The following LRRTM3 variants were observed in gnomAD, a reference collection of about 807,000 sequenced individuals.
The protein encoded by LRRTM3 is leucine-rich repeat transmembrane neuronal protein 3.
Under a neutral mutation model 44.7 loss-of-function variants are expected in LRRTM3, and 24 were observed. That is an observed-to-expected ratio of 0.54 (90% CI 0.39 to 0.76). The LOEUF (loss-of-function observed/expected upper bound fraction) is 0.76. Among genes scored for constraint, LRRTM3 ranks in the 30% least tolerant of loss-of-function variants. The pLI is 0.00. For missense variants in LRRTM3, 587 were observed against 702.2 expected (o/e 0.84, Z 1.85); for synonymous variants, 277 against 278.7 (o/e 0.99, Z 0.06).
intron 2 of LRRTM3, among the ~76,000 whole-genome samples, chr10:66,959,007 C>A (rs546463275): frequency 2.0e-4 from 30 of 152,274 alleles, no homozygotes; most frequent in Non-Finnish European, 4.1e-4. Context: ...CACAGCCTTT[C>A]TACAGACCCT....
intron 2 of LRRTM3, among the ~76,000 whole-genome samples, chr10:67,023,216 A>G (rs920468371): frequency 2.6e-5 from 4 of 152,178 alleles, no homozygotes; most frequent in African/African-American, 9.6e-5. Flanking sequence ...TAAACTTAAG[A>G]TAGTATCAAG....
At chr10:67,018,154 A>T (rs1169727782) in intron 2 of LRRTM3, among the ~76,000 whole-genome samples, 1 of 152,134 alleles carries the variant, frequency 6.6e-6, no homozygotes, top group Non-Finnish European at 1.5e-5. Context: ...TAGGGCCAAG[A>T]CTTTGTATTT....
At chr10:67,073,413 C>A (rs1470169308) in intron 2 of LRRTM3, among the ~76,000 whole-genome samples, 1 of 151,694 alleles carries the variant, frequency 6.6e-6, no homozygotes, top group East Asian at 1.9e-4. Flanking sequence ...TATGTTTTTC[C>A]TTCAGTCTAA....
chr10:66,982,095 G>T (rs1661468932), intron 2 of LRRTM3, among the ~76,000 whole-genome samples: 1 of 152,084 alleles, frequency 6.6e-6, no homozygotes, highest in Non-Finnish European at 1.5e-5. Context: ...CCACGAAAAA[G>T]GATAAGCCAT....
intron 2 of LRRTM3, among the ~76,000 whole-genome samples, chr10:67,005,477 G>A (rs1267436823): frequency 2.0e-5 from 3 of 151,814 alleles, no homozygotes; most frequent in Admixed American, 6.6e-5. Flanking sequence ...TGATCACATA[G>A]GCCATAGGTT....
rs966329198 is a variant in LRRTM3 at position 66,939,217 on chromosome 10, C to A, written c.1536+10765C>A. ...TGATCATGCAGAAGGCATGTTAGAT[C>A]ATACAGAACTGAAGCATCTTCCCTT... On this transcript the variant is annotated intron_variant, in intron 2 of 2. Coordinates refer to ENST00000361320, the MANE Select transcript of LRRTM3 (RefSeq NM_178011.5). Among the ~76,000 whole-genome samples, 20 of 152,178 alleles carry A rather than the reference C, an allele frequency of 1.3e-4. 1 individual carries two copies. The highest frequency in any genetic ancestry group is 1.5e-5 in the Non-Finnish European group (1 of 68,018).
intron 2 of LRRTM3, among the ~76,000 whole-genome samples, chr10:67,001,322 A>G (rs1391173441): frequency 6.6e-6 from 1 of 150,770 alleles, no homozygotes; most frequent in Non-Finnish European, 1.5e-5. Context: ...AGAAAAAAAA[A>G]GAGAAAAAAA....
chr10:66,984,070 T>C (rs1253889612), intron 2 of LRRTM3, among the ~76,000 whole-genome samples: 2 of 152,178 alleles, frequency 1.3e-5, no homozygotes, highest in Non-Finnish European at 2.9e-5. Flanking sequence ...CTGTTTACAC[T>C]AGAGCCTGTG....
At chr10:66,930,871 T>C (rs1320092310) in intron 2 of LRRTM3, among the ~76,000 whole-genome samples, 1 of 152,154 alleles carries the variant, frequency 6.6e-6, no homozygotes, top group African/African-American at 2.4e-5. Context: ...GACATGAAAT[T>C]ATGGGAAAAA....
chr10:66,991,797 T>C (rs1474708178), intron 2 of LRRTM3, among the ~76,000 whole-genome samples: 2 of 152,232 alleles, frequency 1.3e-5, no homozygotes, highest in Non-Finnish European at 2.9e-5. Context: ...GGATATTTTC[T>C]AGTTTTCTAG....
chr10:66,941,696 G>C (rs1013485183), intron 2 of LRRTM3, among the ~76,000 whole-genome samples: 8 of 152,182 alleles, frequency 5.3e-5, no homozygotes, highest in African/African-American at 1.9e-4. Flanking sequence ...AACAGCTGCA[G>C]CCTTGACCGC....
At chr10:67,002,098 T>C (rs1851721172) in intron 2 of LRRTM3, among the ~76,000 whole-genome samples, 1 of 152,204 alleles carries the variant, frequency 6.6e-6, no homozygotes. Context: ...CCTAAAAAAA[T>C]GAGATCGTTG....
intron 2 of LRRTM3, among the ~76,000 whole-genome samples, chr10:67,039,523 T>C (rs1213476282): frequency 3.3e-5 from 5 of 152,280 alleles, no homozygotes; most frequent in Admixed American, 2.6e-4. Context: ...GGGTGATGCA[T>C]AATAATTTAT....
At chr10:66,942,811 A>C (rs367646227) in intron 2 of LRRTM3, among the ~76,000 whole-genome samples, 1 of 152,224 alleles carries the variant, frequency 6.6e-6, no homozygotes, top group African/African-American at 2.4e-5. Flanking sequence ...TAATTTAGGC[A>C]TTTAAAGGAA....
chr10:66,975,444 G>C (rs1055422000), intron 2 of LRRTM3, among the ~76,000 whole-genome samples: 11 of 152,118 alleles, frequency 7.2e-5, no homozygotes, highest in Non-Finnish European at 1.5e-5. Flanking sequence ...ATCAGCTACT[G>C]GTGTAAGTAA....
At chr10:67,090,281 A>G (rs917101483) in intron 2 of LRRTM3, among the ~76,000 whole-genome samples, 19 of 152,090 alleles carry the variant, frequency 1.2e-4, no homozygotes, top group African/African-American at 3.6e-4. Context: ...AGCTGTCACT[A>G]TCTTACCCAC....
At chr10:67,021,273 C>A (rs908092824) in intron 2 of LRRTM3, among the ~76,000 whole-genome samples, 2 of 152,014 alleles carry the variant, frequency 1.3e-5, no homozygotes, top group Non-Finnish European at 2.9e-5. Flanking sequence ...GAATATAGTA[C>A]CATTTCACAC....
At chr10:67,043,191 C>T (rs1265329550) in intron 2 of LRRTM3, among the ~76,000 whole-genome samples, 3 of 148,426 alleles carry the variant, frequency 2.0e-5, no homozygotes, top group Non-Finnish European at 4.5e-5. Flanking sequence ...AACTTTTCTC[C>T]CTATAGCTCA....
rs376650412 is a variant in LRRTM3 at position 67,019,279 on chromosome 10, C to T, written c.1537-78308C>T. On this transcript the variant is annotated intron_variant, in intron 2 of 2. Transcript: ENST00000361320. Reference sequence around the variant, plus strand: ...TGTTGCCCAGGCTGGAGTGTAATGGCGTTATCTTGGCTCACCACAACCTCT... The same window carrying T: ...TGTTGCCCAGGCTGGAGTGTAATGGTGTTATCTTGGCTCACCACAACCTCT... 5.9e-5 allele frequency among the ~76,000 whole-genome samples: 9 copies of T among 152,064 alleles called. No individual in the cohort carries two copies. The South Asian group carries it at 1.2e-3, about 21-fold the overall frequency.
Sources: allele counts gnomAD v4.1 joint callset (sites outside exome capture counted in the v4.1 genomes callset), GRCh38; gene constraint gnomAD v4.1.1; transcripts MANE v1.5; gene names NCBI Gene and HGNC (gene_info 2026-07-23, HGNC 2026-07-21).